Variants in LIPA observed in about 807,000 individuals in gnomAD.
LIPA encodes the protein lysosomal acid lipase/cholesteryl ester hydrolase.
A neutral mutation model predicts 40.6 loss-of-function variants in LIPA; 26 were observed. The observed-to-expected ratio is 0.64, with a 90% CI of 0.47 to 0.89. The LOEUF is 0.89. Ranked by LOEUF, LIPA falls within the 40% of genes least tolerant of loss-of-function variation. LIPA has a pLI of 0.00. For missense variants in LIPA, 455 were observed against 479.6 expected (o/e 0.95, Z 0.48); for synonymous variants, 188 against 168.4 (o/e 1.12, Z -0.90).
chr10:89,274,719 A>T (rs1203220227), intron 1 of LIPA, among the ~76,000 whole-genome samples: 1 of 152,132 alleles, frequency 6.6e-6, no homozygotes, highest in Non-Finnish European at 1.5e-5. Flanking sequence ...GAGACTAGGG[A>T]TAAGGATGGC....
chr10:89,392,466 T>TTCTC, intron 2 of LIPA: 1 of 285,990 alleles, frequency 3.5e-6, no homozygotes, highest in Non-Finnish European at 5.8e-6. Flanking sequence ...AAAGTTTCAT[T>TTCTC]CCCCACCCCC....
intron 1 of LIPA, among the ~76,000 whole-genome samples, chr10:89,311,539 A>AAC (rs1016828095): frequency 4.6e-5 from 7 of 151,662 alleles, no homozygotes; most frequent in Non-Finnish European, 8.8e-5. Context: ...AAAAAAAAAA[A>AAC]AAAAAACCCT....
At chr10:89,237,973 C>T (rs1181326538) in intron 3 of LIPA, among the ~76,000 whole-genome samples, 1 of 152,174 alleles carries the variant, frequency 6.6e-6, no homozygotes, top group Non-Finnish European at 1.5e-5. Flanking sequence ...ACAGAGAGAA[C>T]ATCATGAAGG....
At chr10:89,391,891 A>G (rs780648046) in intron 2 of LIPA, among the ~76,000 whole-genome samples, 2 of 152,200 alleles carry the variant, frequency 1.3e-5, no homozygotes, top group Non-Finnish European at 2.9e-5. Flanking sequence ...ACTTATTTGC[A>G]TGCTTCTATG....
chr10:89,228,050 T>C (rs886252274), intron 4 of LIPA, 150 bp downstream of exon 4: 4 of 683,726 alleles, frequency 5.9e-6, no homozygotes, highest in South Asian at 1.6e-5. Context: ...ATTAAATTCC[T>C]AGCAACATTT....
At chr10:89,260,828 G>A (rs1300032457) in intron 1 of LIPA, among the ~76,000 whole-genome samples, 2 of 152,190 alleles carry the variant, frequency 1.3e-5, no homozygotes, top group East Asian at 3.8e-4. Context: ...TGGAAGCGCT[G>A]ATAAAAGGTT....
chr10:89,274,338 T>C (rs906662784), intron 1 of LIPA, among the ~76,000 whole-genome samples: 2 of 152,228 alleles, frequency 1.3e-5, no homozygotes, highest in African/African-American at 4.8e-5. Context: ...TATGTGGGTA[T>C]CAACATTATC....
intron 2 of LIPA, among the ~76,000 whole-genome samples, chr10:89,352,046 A>G (rs565579786): frequency 2.7e-4 from 41 of 152,236 alleles, no homozygotes; most frequent in Non-Finnish European, 5.4e-4. Flanking sequence ...AGTCAGACAC[A>G]CCCCTTCCTT....
At chr10:89,334,068 G>A (rs1214177719) in intron 1 of LIPA, among the ~76,000 whole-genome samples, 1 of 152,220 alleles carries the variant, frequency 6.6e-6, no homozygotes, top group African/African-American at 2.4e-5. Flanking sequence ...GGGACAAGCT[G>A]CACATGTGCA....
intron 2 of LIPA, among the ~76,000 whole-genome samples, chr10:89,350,413 C>T (rs1452717261): frequency 6.6e-6 from 1 of 151,694 alleles, no homozygotes; most frequent in African/African-American, 2.4e-5. Flanking sequence ...TCAAGCGATT[C>T]TCCTGCCTCA....
intron 1 of LIPA, chr10:89,291,911 A>G (rs1843377228): frequency 6.6e-6 from 1 of 152,288 alleles, no homozygotes; most frequent in South Asian, 2.1e-4. Flanking sequence ...ATAGAATGTG[A>G]GTGAATGTGA....
intron 3 of LIPA, among the ~76,000 whole-genome samples, chr10:89,241,090 A>C (rs1232585147): frequency 6.6e-6 from 1 of 152,200 alleles, no homozygotes. Flanking sequence ...GAGGCTGAGG[A>C]AATCCTCCCT....
intron 2 of LIPA, among the ~76,000 whole-genome samples, chr10:89,401,958 T>A (rs188944666): frequency 1.2e-4 from 18 of 152,334 alleles, no homozygotes; most frequent in African/African-American, 4.3e-4. Context: ...ATATAGCATA[T>A]AATATGCTCT....
intron 1 of LIPA, chr10:89,339,907 T>C (rs1452489739): frequency 6.2e-7 from 1 of 1,614,034 alleles, no homozygotes; most frequent in Non-Finnish European, 8.5e-7. Context: ...ACCAAATTAT[T>C]GGTATCTTCA....
At chr10:89,353,635 T>C (rs1297834387) in intron 2 of LIPA, among the ~76,000 whole-genome samples, 1 of 152,166 alleles carries the variant, frequency 6.6e-6, no homozygotes, top group African/African-American at 2.4e-5. Flanking sequence ...GGTTAAACCA[T>C]GCACTTGAAT....
At chr10:89,368,926 T>A (rs1234540787) in intron 2 of LIPA, among the ~76,000 whole-genome samples, 2 of 148,706 alleles carry the variant, frequency 1.3e-5, no homozygotes, top group Admixed American at 6.7e-5. Flanking sequence ...AACACAAAAC[T>A]CACACACACA....
chr10:89,250,426 G>A (rs1346483426), intron 1 of LIPA, among the ~76,000 whole-genome samples: 1 of 152,098 alleles, frequency 6.6e-6, no homozygotes, highest in Non-Finnish European at 1.5e-5. Flanking sequence ...AGGAGCAAAC[G>A]TTATCCCCTT....
chr10:89,238,426 C>T (rs572029487), intron 3 of LIPA, among the ~76,000 whole-genome samples: 1 of 152,338 alleles, frequency 6.6e-6, no homozygotes, highest in South Asian at 2.1e-4. Context: ...TTCTATGACA[C>T]AGGCACTGAA....
At chr10:89,253,205 A>T (rs760123257), upstream of LIPA, among the ~76,000 whole-genome samples, 1 of 152,150 alleles carries the variant, frequency 6.6e-6, no homozygotes, top group Non-Finnish European at 1.5e-5. Context: ...AAGCAGGGAG[A>T]CTAATTAGAA....
Sources: allele counts gnomAD v4.1 joint callset (sites outside exome capture counted in the v4.1 genomes callset), GRCh38; gene constraint gnomAD v4.1.1; transcripts MANE v1.5; gene names NCBI Gene and HGNC (gene_info 2026-07-23, HGNC 2026-07-21).